CAPZB: variants seen among roughly 807,000 people sequenced by gnomAD.
CAPZB encodes capping actin protein of muscle Z-line subunit beta, also known as F-actin-capping protein subunit beta.
A neutral mutation model predicts 38.1 loss-of-function variants in CAPZB; 2 were observed. The observed-to-expected ratio is 0.05, with a 90% CI of 0.02 to 0.17. The LOEUF (loss-of-function observed/expected upper bound fraction) is 0.17, where lower values mean the gene tolerates loss of function less well. Among genes scored for constraint, CAPZB ranks in the 10% least tolerant of loss-of-function variants. The pLI is 1.00. For synonymous variants in CAPZB, 107 were observed against 127.4 expected (o/e 0.84, Z 1.08); for missense variants, 161 against 334.2 (o/e 0.48, Z 4.04).
chr1:19,377,363 G>C (rs549765670), intron 4 of CAPZB, among the ~76,000 whole-genome samples: 2 of 152,350 alleles, frequency 1.3e-5, no homozygotes, highest in African/African-American at 2.4e-5. Context: ...TCACCTCCAT[G>C]TCCTGTGGTC....
chr1:19,465,585 ACT>A (rs1421951765), intron 1 of CAPZB, among the ~76,000 whole-genome samples: 2 of 152,144 alleles, frequency 1.3e-5, no homozygotes, highest in African/African-American at 2.4e-5. Flanking sequence ...TGCAGAGGTG[ACT>A]CTGTGCAATG....
chr1:19,371,289 G>A (rs546319115), intron 4 of CAPZB, among the ~76,000 whole-genome samples: 4 of 152,192 alleles, frequency 2.6e-5, no homozygotes, highest in African/African-American at 4.8e-5. Flanking sequence ...AAATGGTCCC[G>A]TATCTGTGAT....
chr1:19,462,934 T>C (rs1039503124), intron 1 of CAPZB, among the ~76,000 whole-genome samples: 1 of 152,232 alleles, frequency 6.6e-6, no homozygotes, highest in South Asian at 2.1e-4. Context: ...GCTCAAGAGC[T>C]GTATGTGGAT....
chr1:19,436,837 A>G (rs1483948422), intron 1 of CAPZB, among the ~76,000 whole-genome samples: 1 of 152,230 alleles, frequency 6.6e-6, no homozygotes, highest in East Asian at 1.9e-4. Context: ...AAAAGCATAT[A>G]ATCTAACAAT....
At chr1:19,367,381 G>A (rs1396178328) in intron 4 of CAPZB, among the ~76,000 whole-genome samples, 2 of 152,238 alleles carry the variant, frequency 1.3e-5, no homozygotes, top group South Asian at 2.1e-4. Flanking sequence ...CTGAACAGAG[G>A]GGAGGAGAAG....
rs546506895 is a variant in CAPZB at position 19,396,739 on chromosome 1, G to A, written c.94-11113C>T. ...GAGGATCACTTGAGGCCAGGAGTTC[G>A]AGACCAGCCTGACCAACACGGTGAA... On this transcript the variant is annotated intron_variant, in intron 2 of 8. Transcript: ENST00000264202. Among the ~76,000 whole-genome samples the A allele has an allele frequency of 6.1e-5, 9 of 148,410 alleles. 1 individual carries two copies. In the South Asian group the frequency reaches 1.1e-3, roughly 17 times the overall value.
intron 1 of CAPZB, among the ~76,000 whole-genome samples, chr1:19,466,937 T>C (rs2094571016): frequency 6.6e-6 from 1 of 152,180 alleles, no homozygotes; most frequent in African/African-American, 2.4e-5. Context: ...GGTGTTGTTC[T>C]GTCACCCAGG....
intron 1 of CAPZB, among the ~76,000 whole-genome samples, chr1:19,444,941 C>T (rs78307073): frequency 6.6e-6 from 1 of 152,034 alleles, no homozygotes; most frequent in Non-Finnish European, 1.5e-5. Flanking sequence ...CGGGATCTCA[C>T]CACGTTGGCC....
intron 6 of CAPZB, among the ~76,000 whole-genome samples, chr1:19,349,404 G>T (rs752737984): frequency 1.3e-5 from 2 of 152,188 alleles, no homozygotes; most frequent in Non-Finnish European, 2.9e-5. Flanking sequence ...CCATGTGGAC[G>T]GCAGATTCCC....
At chr1:19,367,354 C>T (rs1371624235) in intron 4 of CAPZB, among the ~76,000 whole-genome samples, 1 of 152,246 alleles carries the variant, frequency 6.6e-6, no homozygotes, top group Non-Finnish European at 1.5e-5. Flanking sequence ...TGCTGGTTTT[C>T]ATCAGGCTCT....
chr1:19,405,570 CT>C (rs2094327460), intron 2 of CAPZB, among the ~76,000 whole-genome samples: 1 of 148,994 alleles, frequency 6.7e-6, no homozygotes, highest in Admixed American at 6.7e-5. Flanking sequence ...AAAAAATCCC[CT>C]TGTATGAAGG....
At chr1:19,447,217 T>C (rs974482211) in intron 1 of CAPZB, among the ~76,000 whole-genome samples, 15 of 151,528 alleles carry the variant, frequency 9.9e-5, no homozygotes, top group African/African-American at 3.2e-4. Context: ...AAGAAAAATA[T>C]TGACGAACTT....
rs1558189927 is a variant in CAPZB, at chr1:19,366,311, A to ATATATATATAT, written c.330-8749_330-8748insATATATATATA. On this transcript the variant is annotated intron_variant, in intron 4 of 8. Coordinates refer to ENST00000264202, the MANE Select transcript of CAPZB (RefSeq NM_004930.5). ...ATATATATATATATATATATATATA[A>ATATATATATAT]ATAAAATAAATGGTCATGAGGGACA... Among the ~76,000 whole-genome samples, 198 of 63,160 alleles carry ATATATATATAT rather than the reference A, an allele frequency of 3.1e-3. 12 individuals carry two copies. Among genetic ancestry groups the ATATATATATAT allele is most frequent in the East Asian group, 8.8e-3 (18 of 2,044 alleles). 41.4% of individuals were successfully genotyped at this position (63,160 alleles called of 152,430 possible). A position where few individuals can be genotyped will look rare whatever the true frequency, so the allele number is the denominator to read the frequency against.
intron 4 of CAPZB, among the ~76,000 whole-genome samples, chr1:19,360,797 G>A (rs1424304926): frequency 6.6e-6 from 1 of 152,148 alleles, no homozygotes; most frequent in Non-Finnish European, 1.5e-5. Context: ...ACGGTGACCA[G>A]GTCTAAAGTT....
At position 19,390,842 on chromosome 1, in the gene CAPZB, G is replaced by T. The variant is rs962071452; in HGVS notation, c.94-5216C>A. Among the ~76,000 whole-genome samples the T allele has an allele frequency of 5.9e-5, 9 of 152,334 alleles. 1 individual carries two copies. In the East Asian group the frequency reaches 1.7e-3, roughly 29 times the overall value. On this transcript the variant is annotated intron_variant, in intron 2 of 8. Transcript: ENST00000264202. ...CAGGTGATCGTAATAGCCCTGCCCT[G>T]CGTGGCAGGCACTATGCTAGCAGCT...
At chr1:19,382,037 A>G (rs1197296658) in intron 3 of CAPZB, among the ~76,000 whole-genome samples, 1 of 152,086 alleles carries the variant, frequency 6.6e-6, no homozygotes. Context: ...ACTCATACGC[A>G]GGACCGTTCC....
chr1:19,418,510 G>A (rs1350372843), intron 2 of CAPZB, among the ~76,000 whole-genome samples: 3 of 152,154 alleles, frequency 2.0e-5, no homozygotes, highest in Admixed American at 2.0e-4. Flanking sequence ...ACAAGCATGT[G>A]CAGTTGTCTC....
In CAPZB at chr1:19,344,161, G is replaced by A. The variant is rs951577439; in HGVS notation, c.731+197C>T. Among the ~76,000 whole-genome samples, 12 of 152,186 alleles carry A rather than the reference G, an allele frequency of 7.9e-5. 1 individual carries two copies. Among genetic ancestry groups the A allele is most frequent in the Non-Finnish European group, 1.8e-4 (12 of 68,024 alleles). On this transcript the variant is annotated intron_variant, in intron 8 of 8. Transcript: ENST00000264202. Reference sequence around the variant, plus strand: ...AAAACAAATGGTGCAGATAGGGACCGACAGCTGCTACGGAGAGTGCAGATG... The same window carrying A: ...AAAACAAATGGTGCAGATAGGGACCAACAGCTGCTACGGAGAGTGCAGATG...
chr1:19,403,178 G>C (rs1009658826), intron 2 of CAPZB, among the ~76,000 whole-genome samples: 10 of 152,180 alleles, frequency 6.6e-5, no homozygotes, highest in Non-Finnish European at 1.3e-4. Flanking sequence ...CTTCAGCTTA[G>C]GCAGGGCCTT....
Sources: allele counts gnomAD v4.1 joint callset (sites outside exome capture counted in the v4.1 genomes callset), GRCh38; gene constraint gnomAD v4.1.1; transcripts MANE v1.5; gene names NCBI Gene and HGNC (gene_info 2026-07-23, HGNC 2026-07-21).